KCND3: variants seen among roughly 807,000 people sequenced by gnomAD.
KCND3 encodes potassium voltage-gated channel subfamily D member 3, also known as A-type voltage-gated potassium channel KCND3.
KCND3 carries 9 observed loss-of-function variants against 51.1 expected under a neutral mutation model. The observed-to-expected ratio is 0.18, with a 90% CI of 0.11 to 0.31. The LOEUF (loss-of-function observed/expected upper bound fraction) is 0.31. Among genes scored for constraint, KCND3 ranks in the 10% least tolerant of loss-of-function variants. KCND3 has a pLI of 1.00. For synonymous variants in KCND3, 349 were observed against 368.0 expected (o/e 0.95, Z 0.59); for missense variants, 526 against 903.8 (o/e 0.58, Z 5.36).
intron 2 of KCND3, among the ~76,000 whole-genome samples, chr1:111,915,752 C>CAAA (rs35574221): frequency 0.016 from 1,100 of 66,844 alleles, 56 homozygotes; most frequent in Non-Finnish European, 0.023. Flanking sequence ...GACTCTGTCT[C>CAAA]AAAAAAAAAA....
intron 2 of KCND3, among the ~76,000 whole-genome samples, chr1:111,870,062 G>T (rs1353255455): frequency 6.6e-6 from 1 of 152,196 alleles, no homozygotes; most frequent in African/African-American, 2.4e-5. Context: ...CTAATAATAG[G>T]TAAAATTTAT....
rs536650521 is a variant in KCND3 at position 111,932,592 on chromosome 1, A to G, written c.1106+49029T>C. On this transcript the variant is annotated intron_variant, in intron 2 of 7. Coordinates refer to ENST00000302127, the MANE Select transcript of KCND3 (RefSeq NM_001378969.1). ...ACTTTCTGACTCTAAGAATCTGACT[A>G]CTCTAGATACCTCATATAAATGGAA... Among the ~76,000 whole-genome samples, 6 of 152,126 alleles carry G rather than the reference A, an allele frequency of 3.9e-5. No individual in the cohort carries two copies. In the East Asian group the frequency reaches 1.2e-3, roughly 29 times the overall value.
At chr1:111,988,319 C>G (rs931266734) in intron 1 of KCND3, among the ~76,000 whole-genome samples, 6 of 152,116 alleles carry the variant, frequency 3.9e-5, no homozygotes, top group Admixed American at 3.3e-4. Flanking sequence ...CGCACAGATC[C>G]TCTTCTCCAA....
Position 111,775,474 on chromosome 1 carries a change from T to C in KCND3, c.*603A>G, listed in dbSNP as rs1012066577. Reference sequence around the variant, plus strand: ...ACTGACTTCTTAGCCTAAAAGCTTTTGCTATAAAAGGAGAAAAAAAAATCC... The same window carrying C: ...ACTGACTTCTTAGCCTAAAAGCTTTCGCTATAAAAGGAGAAAAAAAAATCC... On this transcript the variant is annotated 3_prime_UTR_variant, in exon 8 of 8. Transcript: ENST00000302127. 5 of 160,578 alleles carry C rather than the reference T, an allele frequency of 3.1e-5. No homozygotes were observed. Among genetic ancestry groups the C allele is most frequent in the Admixed American group, 2.9e-4 (5 of 17,366 alleles). 9.9% of individuals were successfully genotyped at this position (160,578 alleles called of 1,614,324 possible). A position where few individuals can be genotyped will look rare whatever the true frequency, so the allele number is the denominator to read the frequency against.
chr1:111,891,777 G>A (rs56380941), intron 2 of KCND3, among the ~76,000 whole-genome samples: 12,110 of 152,222 alleles, frequency 0.08, 515 homozygotes, highest in East Asian at 0.17. Flanking sequence ...CTGAGTAAAT[G>A]AATAAATTGG....
At chr1:111,849,721 A>G (rs1667720651) in intron 2 of KCND3, among the ~76,000 whole-genome samples, 1 of 152,160 alleles carries the variant, frequency 6.6e-6, no homozygotes, top group Non-Finnish European at 1.5e-5. Context: ...AATTTGCACA[A>G]AGATGCCATT....
chr1:111,959,870 C>A (rs1402095259), intron 2 of KCND3, among the ~76,000 whole-genome samples: 1 of 152,020 alleles, frequency 6.6e-6, no homozygotes, highest in African/African-American at 2.4e-5. Context: ...CCCGTAATCC[C>A]CATATGTTGT....
At chr1:111,842,106 TG>T (rs1216356354) in intron 2 of KCND3, among the ~76,000 whole-genome samples, 5 of 152,170 alleles carry the variant, frequency 3.3e-5, no homozygotes, top group African/African-American at 1.2e-4. Context: ...GGCATCACTG[TG>T]GGTCCCCAGT....
chr1:111,804,669 T>G (rs561818946), intron 2 of KCND3, among the ~76,000 whole-genome samples: 2 of 152,368 alleles, frequency 1.3e-5, no homozygotes, highest in East Asian at 3.9e-4. Flanking sequence ...GCTTACTATG[T>G]GCCAGGCACT....
intron 2 of KCND3, among the ~76,000 whole-genome samples, chr1:111,913,707 AGACCAACCTGGG>A (rs1417304041): frequency 6.6e-6 from 1 of 152,176 alleles, no homozygotes; most frequent in African/African-American, 2.4e-5. Context: ...CAGGAGTTGG[AGACCAACCTGGG>A]CAACATAGGG....
At chr1:111,957,969 G>A (rs372078314) in intron 2 of KCND3, among the ~76,000 whole-genome samples, 1 of 152,226 alleles carries the variant, frequency 6.6e-6, no homozygotes, top group Non-Finnish European at 1.5e-5. Context: ...TCCAGTTGAG[G>A]TGAAACTTGG....
At chr1:111,841,127 A>C (rs576399719) in intron 2 of KCND3, among the ~76,000 whole-genome samples, 1 of 152,342 alleles carries the variant, frequency 6.6e-6, no homozygotes, top group South Asian at 2.1e-4. Flanking sequence ...GAATACTTGC[A>C]GTCATCTAAT....
intron 2 of KCND3, among the ~76,000 whole-genome samples, chr1:111,865,719 T>C (rs1668528148): frequency 6.6e-6 from 1 of 152,208 alleles, no homozygotes; most frequent in African/African-American, 2.4e-5. Context: ...ATTTATTAAT[T>C]TTTGTGACAA....
In KCND3 at chr1:111,774,321, G is replaced by T. The variant is rs1217819137; in HGVS notation, c.*1756C>A. On this transcript the variant is annotated 3_prime_UTR_variant, in exon 8 of 8. Coordinates refer to ENST00000302127, the MANE Select transcript of KCND3 (RefSeq NM_001378969.1). Reference sequence around the variant, plus strand: ...CACTAAGCTGTAGGATGGATAGGCAGCTCCCGAGGAGCTCATGTATTTCAG... The same window carrying T: ...CACTAAGCTGTAGGATGGATAGGCATCTCCCGAGGAGCTCATGTATTTCAG... 1 of 152,218 alleles carries T rather than the reference G, an allele frequency of 6.6e-6. No homozygotes were observed. Among genetic ancestry groups the T allele is most frequent in the Non-Finnish European group, 1.5e-5 (1 of 68,064 alleles). The allele number at this position is 152,218 out of a possible 1,614,324, so 9.4% of individuals were successfully genotyped here.
At chr1:111,887,426 G>A (rs1022758007) in intron 2 of KCND3, among the ~76,000 whole-genome samples, 2 of 152,226 alleles carry the variant, frequency 1.3e-5, no homozygotes. Flanking sequence ...GAAGGACAAA[G>A]AGGGGAAGGT....
intron 2 of KCND3, among the ~76,000 whole-genome samples, chr1:111,841,303 T>C (rs1248609172): frequency 6.6e-6 from 1 of 152,234 alleles, no homozygotes. Flanking sequence ...AGTGTTTCTC[T>C]TTCTCTGCGC....
intron 5 of KCND3, among the ~76,000 whole-genome samples, chr1:111,779,311 C>T (rs575071047): frequency 3.3e-5 from 5 of 151,974 alleles, no homozygotes; most frequent in Non-Finnish European, 5.9e-5. Flanking sequence ...CCCACACCCC[C>T]CTCCCCACCA....
chr1:111,775,966 G>A lies in KCND3; in HGVS notation c.*111C>T, dbSNP rs1189642400. On this transcript the variant is annotated 3_prime_UTR_variant, in exon 8 of 8. Coordinates refer to ENST00000302127, the MANE Select transcript of KCND3 (RefSeq NM_001378969.1). ...GTCTCAGTGCTAGGGGTACAATGGGGCAGGCAGAAATAGTGGGGAAAGGGG... is the reference window on the plus strand; with the variant it reads ...GTCTCAGTGCTAGGGGTACAATGGGACAGGCAGAAATAGTGGGGAAAGGGG... 6 of 1,212,202 alleles carry A rather than the reference G, an allele frequency of 4.9e-6. No individual in the cohort carries two copies. The highest frequency in any genetic ancestry group is 7.3e-6 in the Non-Finnish European group (6 of 825,424). 75.1% of individuals were successfully genotyped at this position (1,212,202 alleles called of 1,614,324 possible).
chr1:111,900,193 G>C (rs1052723818), intron 2 of KCND3, among the ~76,000 whole-genome samples: 10 of 152,046 alleles, frequency 6.6e-5, no homozygotes, highest in African/African-American at 2.4e-4. Flanking sequence ...ACCCCTGCCC[G>C]GAGGGAGAGA....
Sources: allele counts gnomAD v4.1 joint callset (sites outside exome capture counted in the v4.1 genomes callset), GRCh38; gene constraint gnomAD v4.1.1; transcripts MANE v1.5; gene names NCBI Gene and HGNC (gene_info 2026-07-23, HGNC 2026-07-21).